Variants in PDE4D observed in about 807,000 individuals in gnomAD.
PDE4D encodes 3',5'-cyclic-AMP phosphodiesterase 4D.
A neutral mutation model predicts 87.4 loss-of-function variants in PDE4D; 24 were observed. The ratio of observed to expected loss-of-function variants is 0.27; its 90% CI spans 0.20 to 0.39. The LOEUF is 0.39. PDE4D is among the 10% of genes least tolerant of loss of function. PDE4D has a pLI of 1.00. For synonymous variants in PDE4D, 384 were observed against 383.2 expected, an observed-to-expected ratio of 1.00 and a Z score of -0.02; for missense variants, 714 against 1,041.0, an observed-to-expected ratio of 0.69 and a Z score of 4.32.
chr5:59,943,242 G>A (rs575559078), intron 3 of PDE4D, among the ~76,000 whole-genome samples: 2 of 151,984 alleles, frequency 1.3e-5, no homozygotes, highest in East Asian at 1.9e-4. Context: ...GAGACTGAGA[G>A]GGTAAGTGAT....
At chr5:60,267,704 C>T (rs190784296) in intron 1 of PDE4D, among the ~76,000 whole-genome samples, 1 of 152,196 alleles carries the variant, frequency 6.6e-6, no homozygotes, top group East Asian at 1.9e-4. Context: ...GGATTCAATC[C>T]TCTGTTTTGA....
chr5:59,937,166 G>A (rs1453263525), intron 3 of PDE4D, among the ~76,000 whole-genome samples: 1 of 152,144 alleles, frequency 6.6e-6, no homozygotes, highest in Non-Finnish European at 1.5e-5. Flanking sequence ...TTAGTCACTG[G>A]CTCAAGGTAA....
At position 60,515,601 on chromosome 5, in the gene PDE4D, C is replaced by CTTTTTTTTTTT. The variant is rs954970783; in HGVS notation, n.70+6439_70+6449dup. On this transcript the variant is annotated intron_variant and non_coding_transcript_variant, in intron 1 of 2. Transcript: ENST00000506510. ...CTGAGCTTTCTTTCCTTTTCTTTTTCTTTTTTTTTTTTTTTTTTCTGTCAG... is the reference window on the plus strand; with the variant it reads ...CTGAGCTTTCTTTCCTTTTCTTTTTCTTTTTTTTTTTTTTTTTTTTTTTTTTTTTCTGTCAG... Among the ~76,000 whole-genome samples the CTTTTTTTTTTT allele has an allele frequency of 9.9e-4, 106 of 106,742 alleles. 1 individual carries two copies. The highest frequency in any genetic ancestry group is 2.0e-3 in the African/African-American group (62 of 31,430). The allele number at this position is 106,742 out of a possible 152,430, so 70.0% of individuals were successfully genotyped here. A position where few individuals can be genotyped will look rare whatever the true frequency, so the allele number is the denominator to read the frequency against.
At chr5:59,264,498 T>G (rs1762532909) in intron 1 of PDE4D, among the ~76,000 whole-genome samples, 1 of 152,030 alleles carries the variant, frequency 6.6e-6, no homozygotes, top group Non-Finnish European at 1.5e-5. Flanking sequence ...ATTTGCTTTT[T>G]TGTGTGTGTT....
At chr5:59,442,257 A>T (rs1241620892) in intron 1 of PDE4D, among the ~76,000 whole-genome samples, 1 of 152,230 alleles carries the variant, frequency 6.6e-6, no homozygotes, top group Non-Finnish European at 1.5e-5. Flanking sequence ...TAGAAAACCA[A>T]TTTAGTTGAG....
At chr5:60,480,339 G>A (rs941088543) in intron 1 of PDE4D, among the ~76,000 whole-genome samples, 8 of 152,096 alleles carry the variant, frequency 5.3e-5, no homozygotes, top group African/African-American at 1.9e-4. Context: ...AAAGCACTAT[G>A]AGATATGCAT....
intron 2 of PDE4D, among the ~76,000 whole-genome samples, chr5:60,020,512 A>T (rs1456902394): frequency 2.0e-5 from 3 of 152,214 alleles, no homozygotes; most frequent in South Asian, 2.1e-4. Flanking sequence ...ATACACACAC[A>T]AACATACAGG....
At chr5:60,258,873 C>A (rs1371379170) in intron 1 of PDE4D, among the ~76,000 whole-genome samples, 1 of 151,708 alleles carries the variant, frequency 6.6e-6, no homozygotes, top group Non-Finnish European at 1.5e-5. Context: ...TGAAAAAAAT[C>A]AGGACACAAA....
intron 5 of PDE4D, among the ~76,000 whole-genome samples, chr5:59,169,937 G>A (rs530886502): frequency 1.4e-4 from 22 of 152,294 alleles, no homozygotes; most frequent in Non-Finnish European, 2.2e-4. Context: ...TCAGAGACAG[G>A]TTTGGGAAGT....
chr5:60,345,023 C>CT (rs869148255), intron 1 of PDE4D, among the ~76,000 whole-genome samples: 1 of 113,456 alleles, frequency 8.8e-6, no homozygotes, highest in African/African-American at 3.2e-5. Context: ...AATTTTTTGT[C>CT]TTTTTTTATG....
intron 3 of PDE4D, among the ~76,000 whole-genome samples, chr5:59,977,183 C>G (rs560299435): frequency 4.8e-4 from 73 of 152,326 alleles, no homozygotes; most frequent in Middle Eastern, 6.8e-3. Context: ...AGGCTGAAAG[C>G]CAGGCCTTTT....
At chr5:60,211,375 G>C (rs1245229613) in intron 1 of PDE4D, among the ~76,000 whole-genome samples, 1 of 151,502 alleles carries the variant, frequency 6.6e-6, no homozygotes, top group Non-Finnish European at 1.5e-5. Flanking sequence ...GGGCACTGGG[G>C]ACGGGTCCAG....
Position 59,610,532 on chromosome 5 carries a change from T to C in PDE4D, c.455+282636A>G, listed in dbSNP as rs377015432. Among the ~76,000 whole-genome samples the C allele has an allele frequency of 2.4e-4, 37 of 152,328 alleles. No individual in the cohort carries two copies. In the East Asian group the frequency reaches 6.7e-3, roughly 28 times the overall value. ...TAGAACAGATTAATCTATTCTCAAC[T>C]GCCACATGTTTTTAGACACTATACA... On this transcript the variant is annotated intron_variant, in intron 1 of 14. Transcript: ENST00000340635.
rs61166140 is a variant in PDE4D at position 60,473,875 on chromosome 5, G to A, written c.-90+14067C>T. ...CCTGACCCCACCCCAGCCCCCGCCC[G>A]CCGCATTATTCTGCTTCAAAGCCTT... On this transcript the variant is annotated intron_variant, in intron 1 of 16. Transcript: ENST00000502484. 1.2e-4 allele frequency among the ~76,000 whole-genome samples: 12 copies of A among 104,042 alleles called. No individual in the cohort carries two copies. In the East Asian group the frequency reaches 1.9e-3, roughly 17 times the overall value. The allele number at this position is 104,042 out of a possible 152,430, so 68.3% of individuals were successfully genotyped here.
At chr5:59,754,595 G>A (rs141744634) in intron 1 of PDE4D, among the ~76,000 whole-genome samples, 7 of 152,112 alleles carry the variant, frequency 4.6e-5, no homozygotes, top group South Asian at 2.1e-4. Flanking sequence ...TACAAATTAC[G>A]TAGCCAGTGC....
At chr5:59,491,232 T>C (rs1360022111) in intron 1 of PDE4D, among the ~76,000 whole-genome samples, 1 of 152,194 alleles carries the variant, frequency 6.6e-6, no homozygotes. Flanking sequence ...AATGAGTAAG[T>C]AAATAACATA....
At position 59,893,240 on chromosome 5, in the gene PDE4D, A is replaced by G; in HGVS notation, c.383T>C (p.Val128Ala). The G allele has an allele frequency of 6.4e-7, 1 of 1,556,728 alleles. No homozygotes were observed. Among genetic ancestry groups the G allele is most frequent in the Non-Finnish European group, 8.7e-7 (1 of 1,149,936 alleles). Residue 128 changes from valine to alanine, a missense_variant, in exon 1 of 15, where the codon GTG (valine) becomes GCG (alanine). By Grantham distance (64) the Val-to-Ala change is moderately conservative (BLOSUM62 0). Coordinates refer to ENST00000340635, the MANE Select transcript of PDE4D (RefSeq NM_001104631.2). ...CRAMDRTSYA[V>A]ETGHRPGLKK... ...CAGGCCGGGCCGGTGGCCGGTCTCC[A>G]CCGCGTAGGAGGTGCGGTCCATGGC... is the stretch of plus-strand genomic sequence containing the variant.
At chr5:59,073,539 G>A (rs1765216893) in intron 5 of PDE4D, among the ~76,000 whole-genome samples, 1 of 150,844 alleles carries the variant, frequency 6.6e-6, no homozygotes, top group Non-Finnish European at 1.5e-5. Context: ...ATGAGGAGGA[G>A]ATGGTAGGCT....
At chr5:60,420,815 CA>C (rs747800900) in intron 1 of PDE4D, among the ~76,000 whole-genome samples, 1 of 152,154 alleles carries the variant, frequency 6.6e-6, no homozygotes, top group Non-Finnish European at 1.5e-5. Flanking sequence ...CCATGACAAA[CA>C]GGACACTCCC....
Sources: gnomAD v4.1 joint callset for allele counts (sites outside exome capture counted in the v4.1 genomes callset) on GRCh38, gnomAD v4.1.1 for gene constraint, MANE v1.5 for transcripts, NCBI Gene and HGNC (gene_info 2026-07-23, HGNC 2026-07-21) for gene names.